RAB28: variants seen among roughly 807,000 people sequenced by gnomAD.
RAB28 encodes RAB28, member RAS oncogene family.
A neutral mutation model predicts 31.7 loss-of-function variants in RAB28; 24 were observed. The observed-to-expected ratio is 0.76, with a 90% CI of 0.55 to 1.06. The LOEUF (loss-of-function observed/expected upper bound fraction) is 1.06, where lower values mean the gene tolerates loss of function less well. Among genes scored for constraint, RAB28 ranks in the 50% least tolerant of loss-of-function variants. The pLI is 0.00. For missense variants in RAB28, 254 were observed against 258.5 expected (o/e 0.98, Z 0.12); for synonymous variants, 100 against 90.4 (o/e 1.11, Z -0.60).
intron 4 of RAB28, among the ~76,000 whole-genome samples, chr4:13,435,623 A>C (rs1024737081): frequency 6.6e-6 from 1 of 152,228 alleles, no homozygotes; most frequent in African/African-American, 2.4e-5. Flanking sequence ...TAGAAAACCT[A>C]GAGGAATTGG....
At chr4:13,457,971 T>C (rs1715387986) in intron 4 of RAB28, among the ~76,000 whole-genome samples, 1 of 152,134 alleles carries the variant, frequency 6.6e-6, no homozygotes, top group South Asian at 2.1e-4. Context: ...ATAAAGCACA[T>C]ACTTAACCAT....
intron 6 of RAB28, among the ~76,000 whole-genome samples, chr4:13,375,514 CA>C (rs1728884493): frequency 6.6e-6 from 1 of 152,044 alleles, no homozygotes; most frequent in African/African-American, 2.4e-5. Context: ...TGTGATCAAG[CA>C]AATCATGGTG....
intron 4 of RAB28, among the ~76,000 whole-genome samples, chr4:13,427,506 A>C (rs780956806): frequency 6.6e-5 from 10 of 152,180 alleles, no homozygotes; most frequent in Non-Finnish European, 1.2e-4. Context: ...TGAGCTTGCA[A>C]ATAGAGGAAG....
chr4:13,457,190 C>T (rs1308432550), intron 4 of RAB28, among the ~76,000 whole-genome samples: 1 of 152,164 alleles, frequency 6.6e-6, no homozygotes, highest in Non-Finnish European at 1.5e-5. Context: ...AACCCAGCTT[C>T]ACATGTCTTT....
chr4:13,387,153 A>G (rs952484974), intron 4 of RAB28, among the ~76,000 whole-genome samples: 3 of 152,174 alleles, frequency 2.0e-5, no homozygotes, highest in Non-Finnish European at 1.5e-5. Flanking sequence ...TACTAGGTGT[A>G]ATACCTGGGT....
At chr4:13,375,122 TG>T (rs2108876801) in intron 6 of RAB28, among the ~76,000 whole-genome samples, 1 of 152,204 alleles carries the variant, frequency 6.6e-6, no homozygotes, top group South Asian at 2.1e-4. Context: ...AGGGCATTGG[TG>T]TCAGAGAGAC....
rs751110223 is a variant in RAB28, at chr4:13,439,431, C to G, written c.391+21268G>C. Among the ~76,000 whole-genome samples, 11 of 151,496 alleles carry G rather than the reference C, an allele frequency of 7.3e-5. No individual in the cohort carries two copies. In the East Asian group the frequency reaches 1.9e-3, roughly 27 times the overall value. On this transcript the variant is annotated intron_variant, in intron 4 of 6. Transcript: ENST00000330852. ...GTGCAGAGGCACAATCTCGGCTCAACGCAACCTCCACCTCCCAGGCTCAAA... is the reference window on the plus strand; with the variant it reads ...GTGCAGAGGCACAATCTCGGCTCAAGGCAACCTCCACCTCCCAGGCTCAAA...
At chr4:13,371,559 T>C (rs1375509298) in intron 6 of RAB28, 1 of 985,132 alleles carries the variant, frequency 1.0e-6, no homozygotes, top group African/African-American at 1.7e-5. Flanking sequence ...TAATGAAGAA[T>C]TAACAAGACA....
At chr4:13,460,041 ACACACTCTTAGGAATTTTCTACT>A in intron 4 of RAB28, 1 of 511,954 alleles carries the variant, frequency 2.0e-6, no homozygotes, top group Non-Finnish European at 3.3e-6. Context: ...AAAAGATTGT[ACACACTCTTAGGAATTTTCTACT>A]CAAATAATTT....
At chr4:13,445,593 T>C (rs910041857) in intron 4 of RAB28, among the ~76,000 whole-genome samples, 7 of 152,078 alleles carry the variant, frequency 4.6e-5, no homozygotes, top group Non-Finnish European at 8.8e-5. Context: ...TTTCCATTTG[T>C]TTTTCTTCTA....
At chr4:13,392,171 A>C (rs1729662361) in intron 4 of RAB28, among the ~76,000 whole-genome samples, 1 of 152,136 alleles carries the variant, frequency 6.6e-6, no homozygotes, top group African/African-American at 2.4e-5. Flanking sequence ...CTAACTCTCT[A>C]AATTTATGTG....
At chr4:13,439,205 T>C (rs943942988) in intron 4 of RAB28, among the ~76,000 whole-genome samples, 5 of 152,228 alleles carry the variant, frequency 3.3e-5, no homozygotes, top group Admixed American at 3.3e-4. Context: ...ATTTTCTCTC[T>C]CTACAGACTT....
At position 13,426,440 on chromosome 4, in the gene RAB28, A is replaced by G. The variant is rs1295615095; in HGVS notation, c.391+34259T>C. On this transcript the variant is annotated intron_variant, in intron 4 of 6. Transcript: ENST00000330852. ...AGATGCTTTCAAAAGACCTCAAAGCATGCTATATCCATGTCTACAGCTTTG... is the reference window on the plus strand; with the variant it reads ...AGATGCTTTCAAAAGACCTCAAAGCGTGCTATATCCATGTCTACAGCTTTG... 3.3e-5 allele frequency among the ~76,000 whole-genome samples: 5 copies of G among 152,338 alleles called. No homozygotes were observed. In the East Asian group the frequency reaches 9.6e-4, roughly 29 times the overall value.
intron 4 of RAB28, among the ~76,000 whole-genome samples, chr4:13,422,771 G>C (rs1713240137): frequency 6.6e-6 from 1 of 151,706 alleles, no homozygotes; most frequent in Non-Finnish European, 1.5e-5. Context: ...ACGGGGGAGG[G>C]ATAGCATTAG....
At chr4:13,439,446 C>G (rs1157288020) in intron 4 of RAB28, among the ~76,000 whole-genome samples, 5 of 151,214 alleles carry the variant, frequency 3.3e-5, no homozygotes, top group Non-Finnish European at 1.5e-5. Context: ...CCTCCACCTC[C>G]CAGGCTCAAA....
chr4:13,370,146 C>T (rs767775936), intron 6 of RAB28: 1 of 979,248 alleles, frequency 1.0e-6, no homozygotes, highest in Non-Finnish European at 1.2e-6. Flanking sequence ...AGAATGTACA[C>T]ATACAAAAGG....
In RAB28 at chr4:13,381,380, T is replaced by C. The variant is rs1336647251; in HGVS notation, c.495+111A>G. ...TATATCTAATCTAAGGAATTTCATGTTTTCAATAGGAATTAATTTGCTCCA... is the reference window on the plus strand; with the variant it reads ...TATATCTAATCTAAGGAATTTCATGCTTTCAATAGGAATTAATTTGCTCCA... On this transcript the variant is annotated intron_variant, in intron 5 of 6. Transcript: ENST00000330852. The C allele has an allele frequency of 7.2e-6, 5 of 692,088 alleles. No individual in the cohort carries two copies. In the East Asian group the frequency reaches 1.4e-4, roughly 19 times the overall value. 42.9% of individuals were successfully genotyped at this position (692,088 alleles called of 1,614,324 possible).
chr4:13,397,326 A>T (rs1459200690), intron 4 of RAB28, among the ~76,000 whole-genome samples: 1 of 152,156 alleles, frequency 6.6e-6, no homozygotes, highest in African/African-American at 2.4e-5. Flanking sequence ...AAAAAGATCA[A>T]GACTATGGAT....
intron 4 of RAB28, among the ~76,000 whole-genome samples, chr4:13,423,517 A>T (rs1713297921): frequency 6.6e-6 from 1 of 152,112 alleles, no homozygotes. Context: ...ATAAGTCAAA[A>T]CAATAATTCA....
Sources: allele counts gnomAD v4.1 joint callset (sites outside exome capture counted in the v4.1 genomes callset), GRCh38; gene constraint gnomAD v4.1.1; transcripts MANE v1.5; gene names NCBI Gene and HGNC (gene_info 2026-07-23, HGNC 2026-07-21).